The following ZSCAN21 variants were observed in gnomAD, a reference collection of about 807,000 sequenced individuals.
ZSCAN21 encodes zinc finger and SCAN domain containing 21.
ZSCAN21 carries 26 observed loss-of-function variants against 35.6 expected under a neutral mutation model. The ratio of observed to expected loss-of-function variants is 0.73; its 90% CI spans 0.54 to 1.01. ZSCAN21 has a LOEUF of 1.01. ZSCAN21 is among the 50% of genes least tolerant of loss of function. The pLI is 0.00. For synonymous variants in ZSCAN21, 219 were observed against 219.3 expected, an observed-to-expected ratio of 1.00 and a Z score of 0.01; for missense variants, 593 against 587.1, an observed-to-expected ratio of 1.01 and a Z score of -0.10.
chr7:100,057,378 G>A lies in ZSCAN21; in HGVS notation c.372G>A (p.Glu124=). 6.4e-7 allele frequency: 1 copy of A among 1,566,222 alleles called. No individual in the cohort carries two copies. The highest frequency in any genetic ancestry group is 8.6e-7 in the Non-Finnish European group (1 of 1,157,692). ...CTGTCACTCTCCTCGAAGATCTGGA[G>A]CGGGAACTGGATGAGCCAGGACACC... ...EEAVTLLEDL[E]RELDEPGHQV... The change falls in exon 2 of 4, where the codon GAG becomes GAA. Residue 124 remains glutamate (E), a synonymous_variant. Coordinates refer to ENST00000292450, the MANE Select transcript of ZSCAN21 (RefSeq NM_145914.3).
chr7:100,058,830 C>G (rs1792176798), intron 3 of ZSCAN21, among the ~76,000 whole-genome samples: 1 of 152,182 alleles, frequency 6.6e-6, no homozygotes, highest in South Asian at 2.1e-4. Context: ...CCACCTCAGC[C>G]TCCCAAGTAG....
chr7:100,057,135 G>A lies in ZSCAN21; in HGVS notation c.129G>A (p.Met43Ile), dbSNP rs1326557825. Residue 43 changes from methionine (M) to isoleucine (I), a missense_variant, in exon 2 of 4, where the codon ATG becomes ATA. Physicochemically the swap from Met to Ile is conservative, Grantham distance 10 (BLOSUM62 1). Transcript: ENST00000292450. ...GCAAGTACCTTCCTAGCCTGGAGAT[G>A]TTCCGCCAGCGCTTCAGGCAGTTTG... ...EKGKYLPSLE[M>I]FRQRFRQFGY... 1.9e-6 allele frequency: 3 copies of A among 1,614,116 alleles called. No individual in the cohort carries two copies. Among genetic ancestry groups the A allele is most frequent in the African/African-American group, 1.3e-5 (1 of 75,052 alleles).
intron 1 of ZSCAN21, among the ~76,000 whole-genome samples, 200 bp downstream of exon 1, chr7:100,050,041 TC>T (rs1400601383): frequency 3.9e-5 from 6 of 152,228 alleles, no homozygotes; most frequent in Admixed American, 2.0e-4. Flanking sequence ...GAAAGCCTTT[TC>T]TTCCACTTGG....
At chr7:100,055,573 G>A (rs1792043736) in intron 1 of ZSCAN21, among the ~76,000 whole-genome samples, 1 of 150,718 alleles carries the variant, frequency 6.6e-6, no homozygotes, top group African/African-American at 2.4e-5. Context: ...TAATGTACTA[G>A]TTAATTACAC....
chr7:100,051,980 G>A (rs1791896154), intron 1 of ZSCAN21, among the ~76,000 whole-genome samples: 1 of 152,042 alleles, frequency 6.6e-6, no homozygotes, highest in South Asian at 2.1e-4. Flanking sequence ...ACCCAGGCTG[G>A]AGCACAGTGG....
chr7:100,057,433 AG>A, intron 2 of ZSCAN21, 28 bp downstream of exon 2: 1 of 1,515,350 alleles, frequency 6.6e-7, no homozygotes, highest in Non-Finnish European at 8.8e-7. Context: ...TTGTTATTCT[AG>A]GAGATTGGGA....
intron 1 of ZSCAN21, among the ~76,000 whole-genome samples, chr7:100,050,435 G>A (rs959489510): frequency 1.3e-5 from 2 of 152,180 alleles, no homozygotes; most frequent in African/African-American, 4.8e-5. Context: ...GGCCAGGCGC[G>A]GTGGCTCACG....
At chr7:100,060,305 G>A (rs1354997876) in intron 3 of ZSCAN21, among the ~76,000 whole-genome samples, 1 of 151,874 alleles carries the variant, frequency 6.6e-6, no homozygotes, top group Non-Finnish European at 1.5e-5. Context: ...GGCTCACACC[G>A]GTCATCCCAG....
intron 1 of ZSCAN21, among the ~76,000 whole-genome samples, chr7:100,053,546 A>ATACATACATACATAATTTT (rs755978112): frequency 1.3e-5 from 1 of 79,488 alleles, no homozygotes; most frequent in Non-Finnish European, 2.6e-5. Context: ...TACATACATA[A>ATACATACATACATAATTTT]TTTTTTTTTT....
rs138074395 is a variant in ZSCAN21, at chr7:100,064,325, G to A, written c.1130G>A (p.Arg377His). ...TTCAGCGGGAAAGGCAGCCTCATTC[G>A]TCACTATCGGATCCACACTGGGGAG... ...KAFSGKGSLI[R>H]HYRIHTGEKP... Residue 377 changes from arginine to histidine, a missense_variant, in exon 4 of 4, where the codon CGT (arginine) becomes CAT (histidine). By Grantham distance (29) the Arg-to-His change is conservative (BLOSUM62 0). Coordinates refer to ENST00000292450, the MANE Select transcript of ZSCAN21 (RefSeq NM_145914.3). The A allele has an allele frequency of 1.8e-4, 298 of 1,613,624 alleles. No homozygotes were observed. The highest frequency in any genetic ancestry group is 2.3e-4 in the Non-Finnish European group (270 of 1,179,924).
chr7:100,057,774 G>A lies in ZSCAN21; in HGVS notation c.476G>A (p.Ser159Asn). 1 of 1,614,092 alleles carries A rather than the reference G, an allele frequency of 6.2e-7. No homozygotes were observed. The highest frequency in any genetic ancestry group is 8.5e-7 in the Non-Finnish European group (1 of 1,180,008). Residue 159 changes from serine (S) to asparagine (N), a missense_variant, in exon 3 of 4, where the codon AGC (serine) becomes AAC (asparagine). By Grantham distance (46) the Ser-to-Asn change is conservative. Coordinates refer to ENST00000292450, the MANE Select transcript of ZSCAN21 (RefSeq NM_145914.3). ...TCAGGAACTGCAAAGGAATCCCCGA[G>A]CAGCATGCAGCCACAGCCCTTGGAG... is the stretch of plus-strand genomic sequence containing the variant. Reference protein sequence around the residue: ...SSSGTAKESPSSMQPQPLETS... With the variant: ...SSSGTAKESPNSMQPQPLETS...
At chr7:100,050,611 T>G (rs1791823848) in intron 1 of ZSCAN21, among the ~76,000 whole-genome samples, 1 of 151,892 alleles carries the variant, frequency 6.6e-6, no homozygotes, top group African/African-American at 2.4e-5. Flanking sequence ...GGCAGGAGAA[T>G]CGCTTGAACC....
At chr7:100,054,455 G>A (rs1314634962) in intron 1 of ZSCAN21, among the ~76,000 whole-genome samples, 283 of 151,316 alleles carry the variant, frequency 1.9e-3, no homozygotes, top group Admixed American at 3.6e-3. Context: ...TTGCCATGTT[G>A]GTCAGGTTGG....
In ZSCAN21 at chr7:100,064,292, GC is replaced by G; in HGVS notation, c.1098del (p.Lys367ArgfsTer119). 3.1e-6 allele frequency: 5 copies of G among 1,614,134 alleles called. No homozygotes were observed. The highest frequency in any genetic ancestry group is 4.2e-6 in the Non-Finnish European group (5 of 1,180,028). ...EEAPYQCKDC[G>X]KAFSGKGSLI... Reference sequence around the variant, plus strand: ...GCGCCATATCAGTGCAAAGATTGTGGCAAGGCTTTCAGCGGGAAAGGCAGCC... The same window carrying G: ...GCGCCATATCAGTGCAAAGATTGTGGAAGGCTTTCAGCGGGAAAGGCAGCC... On this transcript the variant is annotated frameshift_variant, in exon 4 of 4. Transcript: ENST00000292450. LOFTEE classifies it high-confidence loss of function.
In ZSCAN21 at chr7:100,049,782, G is replaced by A. The variant is rs1354955550; in HGVS notation, c.-156G>A. ...GGGCGGGGCTATGACGCACTTCCGG[G>A]TGCGCGGTCCCGAGGTACGCGGTGC... On this transcript the variant is annotated 5_prime_UTR_variant, in exon 1 of 4. In the 5' UTR this introduces an upstream ATG that the reference lacks. Coordinates refer to ENST00000292450, the MANE Select transcript of ZSCAN21 (RefSeq NM_145914.3). 2 of 152,308 alleles carry A rather than the reference G, an allele frequency of 1.3e-5. No individual in the cohort carries two copies. Among genetic ancestry groups the A allele is most frequent in the East Asian group, 3.9e-4 (2 of 5,192 alleles). The allele number at this position is 152,308 out of a possible 1,614,324, so 9.4% of individuals were successfully genotyped here.
At chr7:100,054,906 A>G (rs1792019974) in intron 1 of ZSCAN21, among the ~76,000 whole-genome samples, 1 of 151,190 alleles carries the variant, frequency 6.6e-6, no homozygotes, top group Non-Finnish European at 1.5e-5. Context: ...TGTTTACAGA[A>G]TGTTAGCACT....
rs374606578 is a variant in ZSCAN21 at position 100,057,730 on chromosome 7, G to A, written c.432G>A (p.Val144=). 45 of 1,613,518 alleles carry A rather than the reference G, an allele frequency of 2.8e-5. No homozygotes were observed. The African/African-American group carries it at 5.2e-4, about 19-fold the overall frequency. Reference sequence around the variant, plus strand: ...CTCCTCCAAACGAACAGAAACCGGTGTGGGAGAAGATATCCTCCTCAGGAA... The same window carrying A: ...CTCCTCCAAACGAACAGAAACCGGTATGGGAGAAGATATCCTCCTCAGGAA... The part of the protein sequence containing the change: ...VSTPPNEQKP[V]WEKISSSGTA... The change falls in exon 3 of 4, where the codon GTG becomes GTA. Residue 144 remains valine, a synonymous_variant. Coordinates refer to ENST00000292450, the MANE Select transcript of ZSCAN21 (RefSeq NM_145914.3).
chr7:100,058,315 T>C (rs974495118), intron 3 of ZSCAN21, among the ~76,000 whole-genome samples: 1 of 152,172 alleles, frequency 6.6e-6, no homozygotes, highest in African/African-American at 2.4e-5. Flanking sequence ...GCTATAGTCA[T>C]GGAGGAGGGG....
intron 3 of ZSCAN21, among the ~76,000 whole-genome samples, chr7:100,059,925 G>T (rs917563857): frequency 6.6e-6 from 1 of 151,678 alleles, no homozygotes; most frequent in Non-Finnish European, 1.5e-5. Context: ...GGCCAGACTG[G>T]TCTCGAACTC....
Sources: gnomAD v4.1 joint callset for allele counts (sites outside exome capture counted in the v4.1 genomes callset) on GRCh38, gnomAD v4.1.1 for gene constraint, MANE v1.5 for transcripts, NCBI Gene and HGNC (gene_info 2026-07-23, HGNC 2026-07-21) for gene names.